The following PPP2R5C variants were observed in gnomAD, a reference collection of about 807,000 sequenced individuals.
PPP2R5C encodes the protein serine/threonine-protein phosphatase 2A 56 kDa regulatory subunit gamma isoform.
PPP2R5C carries 7 observed loss-of-function variants against 68.9 expected under a neutral mutation model. The observed-to-expected ratio is 0.10, with a 90% CI of 0.06 to 0.19. The LOEUF (loss-of-function observed/expected upper bound fraction) is 0.19. Ranked by LOEUF, PPP2R5C falls within the 10% of genes least tolerant of loss-of-function variation. PPP2R5C has a pLI of 1.00. For synonymous variants in PPP2R5C, 210 were observed against 222.2 expected, an observed-to-expected ratio of 0.95 and a Z score of 0.49; for missense variants, 348 against 641.3, an observed-to-expected ratio of 0.54 and a Z score of 4.94.
chr14:101,911,635 C>A (rs1456529631), intron 11 of PPP2R5C, among the ~76,000 whole-genome samples: 1 of 152,126 alleles, frequency 6.6e-6, no homozygotes, highest in Non-Finnish European at 1.5e-5. Context: ...GTAATCCCAG[C>A]ACTTTGGGAG....
upstream of PPP2R5C, among the ~76,000 whole-genome samples, chr14:101,806,172 A>G (rs1438640339): frequency 6.6e-6 from 1 of 152,130 alleles, no homozygotes; most frequent in African/African-American, 2.4e-5. Context: ...TACATGTGTC[A>G]TGGTGGTTTG....
chr14:101,834,631 T>C (rs2040966414), intron 1 of PPP2R5C, among the ~76,000 whole-genome samples: 1 of 152,206 alleles, frequency 6.6e-6, no homozygotes, highest in South Asian at 2.1e-4. Flanking sequence ...GGTCATAGAA[T>C]GCATGCTTAA....
intron 1 of PPP2R5C, chr14:101,824,413 TG>T (rs2040273866): frequency 4.9e-6 from 1 of 203,894 alleles, no homozygotes; most frequent in Non-Finnish European, 1.0e-5. Flanking sequence ...TACAATGTAG[TG>T]AAAAAAAAAC....
At chr14:101,763,871 C>T (rs189649174) in intron 2 of PPP2R5C, among the ~76,000 whole-genome samples, 26 of 152,306 alleles carry the variant, frequency 1.7e-4, no homozygotes, top group African/African-American at 6.0e-4. Flanking sequence ...CCTTGTTTTC[C>T]TTCAAACCAC....
chr14:101,924,472 AG>A (rs1452804503), intron 13 of PPP2R5C, among the ~76,000 whole-genome samples: 1 of 55,138 alleles, frequency 1.8e-5, no homozygotes, highest in African/African-American at 7.3e-5. Context: ...TGGAGTCTGG[AG>A]GCCCTGTCAC....
intron 2 of PPP2R5C, among the ~76,000 whole-genome samples, chr14:101,865,318 C>T (rs1001879714): frequency 1.8e-4 from 27 of 152,340 alleles, no homozygotes; most frequent in Admixed American, 5.9e-4. Flanking sequence ...CCCATGTCCC[C>T]GCTCTCTGTA....
chr14:101,904,922 C>G (rs1022194854), intron 9 of PPP2R5C, among the ~76,000 whole-genome samples: 24 of 152,222 alleles, frequency 1.6e-4, no homozygotes, highest in African/African-American at 5.1e-4. Flanking sequence ...TTCTGTGGAA[C>G]GTGCACTTGT....
chr14:101,817,876 C>T (rs1392055276), intron 1 of PPP2R5C, among the ~76,000 whole-genome samples: 1 of 152,152 alleles, frequency 6.6e-6, no homozygotes, highest in Non-Finnish European at 1.5e-5. Flanking sequence ...ACTCAGTGCT[C>T]ATGGTGTCTG....
At chr14:101,786,316 T>G (rs968649689) in intron 3 of PPP2R5C, 133 bp downstream of exon 3, 10 of 711,450 alleles carry the variant, frequency 1.4e-5, no homozygotes, top group South Asian at 3.0e-5. Flanking sequence ...TTGAGGGGTT[T>G]TTTTTTTTTT....
chr14:101,838,231 A>G (rs1201889341), intron 1 of PPP2R5C, among the ~76,000 whole-genome samples: 1 of 152,214 alleles, frequency 6.6e-6, no homozygotes, highest in East Asian at 1.9e-4. Context: ...GGGGAGAGTA[A>G]AGACAAGTAG....
chr14:101,886,301 G>A (rs1334881056), intron 5 of PPP2R5C, among the ~76,000 whole-genome samples: 1 of 151,020 alleles, frequency 6.6e-6, no homozygotes, highest in Non-Finnish European at 1.5e-5. Context: ...AAAAAAAGTA[G>A]TAGAAAGTGT....
intron 2 of PPP2R5C, among the ~76,000 whole-genome samples, chr14:101,777,469 C>T (rs1369597524): frequency 6.6e-6 from 1 of 152,116 alleles, no homozygotes; most frequent in East Asian, 1.9e-4. Flanking sequence ...CCTGCCTCAG[C>T]CTCCCAAGTA....
At chr14:101,813,753 G>A (rs1408185029) in intron 1 of PPP2R5C, among the ~76,000 whole-genome samples, 1 of 152,256 alleles carries the variant, frequency 6.6e-6, no homozygotes, top group East Asian at 1.9e-4. Context: ...AACTTATCCA[G>A]TGGATGAGTC....
At chr14:101,790,387 C>T (rs769991470) in intron 3 of PPP2R5C, among the ~76,000 whole-genome samples, 6 of 152,184 alleles carry the variant, frequency 3.9e-5, no homozygotes, top group Admixed American at 6.5e-5. Context: ...CATCTGCCTC[C>T]AAAAGTTACC....
upstream of PPP2R5C, among the ~76,000 whole-genome samples, chr14:101,807,065 T>C (rs893983211): frequency 1.3e-5 from 2 of 152,218 alleles, no homozygotes; most frequent in Non-Finnish European, 2.9e-5. Context: ...GAGAATTGAT[T>C]ATTCACTTTC....
At chr14:101,881,355 G>A (rs570464729) in intron 2 of PPP2R5C, among the ~76,000 whole-genome samples, 14 of 152,188 alleles carry the variant, frequency 9.2e-5, no homozygotes, top group South Asian at 4.2e-4. Context: ...AGTCGAGTTC[G>A]CACCACTACA....
intron 10 of PPP2R5C, among the ~76,000 whole-genome samples, chr14:101,909,151 A>T (rs1273391646): frequency 6.6e-6 from 1 of 151,856 alleles, no homozygotes; most frequent in Non-Finnish European, 1.5e-5. Context: ...TGCTCATTTT[A>T]TTTTCTCTTT....
chr14:101,828,536 A>G lies in PPP2R5C; in HGVS notation c.94+18500A>G, dbSNP rs1240675157. 5.9e-5 allele frequency among the ~76,000 whole-genome samples: 9 copies of G among 152,248 alleles called. No individual in the cohort carries two copies. In the East Asian group the frequency reaches 1.4e-3, roughly 23 times the overall value. ...TCTGTATGCTTGTACACACACACAA[A>G]TACATATACACAAAGAACATACCTA... is the stretch of plus-strand genomic sequence containing the variant. On this transcript the variant is annotated intron_variant, in intron 1 of 13. Coordinates refer to ENST00000334743, the Ensembl canonical transcript of PPP2R5C.
At chr14:101,769,570 T>C (rs1436697462) in intron 2 of PPP2R5C, among the ~76,000 whole-genome samples, 1 of 152,248 alleles carries the variant, frequency 6.6e-6, no homozygotes, top group Non-Finnish European at 1.5e-5. Flanking sequence ...TAATGTAGAA[T>C]TTTTATTCAG....
Sources: allele counts gnomAD v4.1 joint callset (sites outside exome capture counted in the v4.1 genomes callset), GRCh38; gene constraint gnomAD v4.1.1; transcripts MANE v1.5; gene names NCBI Gene and HGNC (gene_info 2026-07-23, HGNC 2026-07-21).